PKHD1L1: variants seen among roughly 807,000 people sequenced by gnomAD.
PKHD1L1 encodes the protein PKHD1 like 1.
A neutral mutation model predicts 462.9 loss-of-function variants in PKHD1L1; 434 were observed. That is an observed-to-expected ratio of 0.94 (90% CI 0.87 to 1.02). The LOEUF (loss-of-function observed/expected upper bound fraction) is 1.02. Among genes scored for constraint, PKHD1L1 ranks in the 50% least tolerant of loss-of-function variants. The probability of loss-of-function intolerance (pLI) is 0.00; values close to 1 mark genes in which losing one functional copy is unlikely to be tolerated. For missense variants in PKHD1L1, 5,202 were observed against 5,096.1 expected (o/e 1.02, Z -0.63); for synonymous variants, 1,781 against 1,750.0 (o/e 1.02, Z -0.44).
rs1429158352 is a variant in PKHD1L1 at position 109,498,890 on chromosome 8, G to C, written c.10828+119G>C. 21 of 883,306 alleles carry C rather than the reference G, an allele frequency of 2.4e-5. 1 individual carries two copies. The highest frequency in any genetic ancestry group is 3.1e-5 in the Non-Finnish European group (18 of 585,986). The allele number at this position is 883,306 out of a possible 1,614,324, so 54.7% of individuals were successfully genotyped here. On this transcript the variant is annotated intron_variant, in intron 67 of 77. Transcript: ENST00000378402. The stretch of plus-strand genomic sequence containing the variant: ...TTTAAGTGAATTTTTATAGCAATCT[G>C]CTCAATATGACAAAGAAATCAGACA...
rs368293197 is a variant in PKHD1L1 at position 109,508,013 on chromosome 8, G to A, written c.11228-84G>A. Reference sequence around the variant, plus strand: ...CTTTTATTTTCTACTTCTTAAACTAGCATAACAAGAAATAGATGTTATAAG... The same window carrying A: ...CTTTTATTTTCTACTTCTTAAACTAACATAACAAGAAATAGATGTTATAAG... On this transcript the variant is annotated intron_variant, in intron 69 of 77. Coordinates refer to ENST00000378402, the MANE Select transcript of PKHD1L1 (RefSeq NM_177531.6). 2.9e-4 allele frequency: 426 copies of A among 1,482,414 alleles called. No individual in the cohort carries two copies. In the South Asian group the frequency reaches 5.1e-3, roughly 18 times the overall value. The allele number at this position is 1,482,414 out of a possible 1,614,324, so 91.8% of individuals were successfully genotyped here.
rs190722540 is a variant in PKHD1L1 at position 109,467,850 on chromosome 8, A to G, written c.8605+1081A>G. ...TAAATCTAAATGATGCAGCTTCTTG[A>G]CAGCAATATGGAAAACTGTCATCAT... On this transcript the variant is annotated intron_variant, in intron 50 of 77. Transcript: ENST00000378402. Among the ~76,000 whole-genome samples, 279 of 147,642 alleles carry G rather than the reference A, an allele frequency of 1.9e-3. 1 individual carries two copies. Among genetic ancestry groups the G allele is most frequent in the African/African-American group, 6.5e-3 (268 of 41,234 alleles).
Position 109,385,641 on chromosome 8 carries a change from G to A in PKHD1L1, c.569+11G>A, listed in dbSNP as rs779293447. On this transcript the variant is annotated intron_variant, in intron 6 of 77. Transcript: ENST00000378402. ...TGTTAGGATTTTGAGGTAATCTTTT[G>A]ATGTGGAAATATATTCTTATAACTC... is the stretch of plus-strand genomic sequence containing the variant. The A allele has an allele frequency of 1.7e-5, 25 of 1,501,906 alleles. No individual in the cohort carries two copies. The highest frequency in any genetic ancestry group is 2.3e-5 in the Non-Finnish European group (25 of 1,086,706). The allele number at this position is 1,501,906 out of a possible 1,614,324, so 93.0% of individuals were successfully genotyped here.
At chr8:109,370,899 A>G (rs572022321) in intron 2 of PKHD1L1, among the ~76,000 whole-genome samples, 3,537 of 152,180 alleles carry the variant, frequency 0.023, 131 homozygotes, top group African/African-American at 0.081. Context: ...TTCTTAATCC[A>G]GTCTATCATT....
In PKHD1L1 at chr8:109,389,064, CT is replaced by C. The variant is rs1340041451; in HGVS notation, c.624-7del. ...GTGTCTATATAAGCTTTGACATTAA[CT>C]TTTTTTTAATTAGATATGGTCTAAA... On this transcript the variant is annotated splice_polypyrimidine_tract_variant and intron_variant, in intron 7 of 77. Transcript: ENST00000378402. 33 of 1,555,354 alleles carry C rather than the reference CT, an allele frequency of 2.1e-5. No individual in the cohort carries two copies. Among genetic ancestry groups the C allele is most frequent in the Admixed American group, 5.4e-5 (3 of 55,996 alleles).
Position 109,537,130 on chromosome 8 carries a change from C to G in PKHD1L1, c.*7040C>G, listed in dbSNP as rs2131080264. 6.6e-6 allele frequency among the ~76,000 whole-genome samples: 1 copy of G among 152,232 alleles called. No individual in the cohort carries two copies. Among genetic ancestry groups the G allele is most frequent in the Non-Finnish European group, 1.5e-5 (1 of 68,022 alleles). ...GCGGCAAAGCTTTGTTTTACTTGAT[C>G]AAGAAATGAATGTGACTTTATGATC... On this transcript the variant is annotated 3_prime_UTR_variant, in exon 78 of 78. Transcript: ENST00000378402.
chr8:109,375,847 A>T (rs1378330558), intron 2 of PKHD1L1, among the ~76,000 whole-genome samples: 1 of 152,078 alleles, frequency 6.6e-6, no homozygotes, highest in African/African-American at 2.4e-5. Context: ...CTGCTGCCTG[A>T]TCGTTCCTCT....
At chr8:109,524,798 C>T (rs1387489577) in intron 76 of PKHD1L1, among the ~76,000 whole-genome samples, 1 of 137,556 alleles carries the variant, frequency 7.3e-6, no homozygotes, top group African/African-American at 2.9e-5. Flanking sequence ...CCTTCCTTCC[C>T]TCCCTCCATC....
At chr8:109,442,232 T>G in intron 35 of PKHD1L1, 37 bp downstream of exon 35, 1 of 1,544,756 alleles carries the variant, frequency 6.5e-7, no homozygotes, top group Non-Finnish European at 8.8e-7. Context: ...ATCATGTCAC[T>G]TTTTCCTAAA....
intron 19 of PKHD1L1, 68 bp from the exon 20 acceptor site, chr8:109,412,197 G>C: frequency 6.5e-7 from 1 of 1,548,008 alleles, no homozygotes; most frequent in African/African-American, 1.4e-5. Flanking sequence ...AGTGGTTTGG[G>C]TGCACACGTT....
intron 50 of PKHD1L1, among the ~76,000 whole-genome samples, chr8:109,472,472 C>T (rs79533166): frequency 1.6e-3 from 251 of 152,164 alleles, no homozygotes; most frequent in African/African-American, 5.8e-3. Context: ...TTTCTTGTCA[C>T]GTTTCTCTGC....
At chr8:109,523,765 G>A (rs1820680647) in intron 76 of PKHD1L1, among the ~76,000 whole-genome samples, 1 of 152,204 alleles carries the variant, frequency 6.6e-6, no homozygotes, top group Non-Finnish European at 1.5e-5. Flanking sequence ...GGAGTTCAGA[G>A]TTGGGCTAGA....
intron 35 of PKHD1L1, among the ~76,000 whole-genome samples, chr8:109,442,434 C>T (rs749603119): frequency 4.1e-4 from 62 of 152,088 alleles, no homozygotes; most frequent in Admixed American, 1.1e-3. Context: ...TGATAATCAA[C>T]CAATTGAAAA....
chr8:109,529,407 T>G (rs1227645030), intron 77 of PKHD1L1, among the ~76,000 whole-genome samples: 1 of 152,142 alleles, frequency 6.6e-6, no homozygotes, highest in Non-Finnish European at 1.5e-5. Context: ...TATAATAGGA[T>G]GACAAGCATT....
At chr8:109,523,185 T>C (rs762875668) in intron 75 of PKHD1L1, 48 bp from the exon 76 acceptor site, 2 of 1,489,208 alleles carry the variant, frequency 1.3e-6, no homozygotes, top group Non-Finnish European at 1.8e-6. Flanking sequence ...TTTAAAAGCA[T>C]GGAAACAGGA....
intron 17 of PKHD1L1, among the ~76,000 whole-genome samples, chr8:109,407,689 C>G (rs1383765591): frequency 6.6e-6 from 1 of 152,136 alleles, no homozygotes; most frequent in Non-Finnish European, 1.5e-5. Flanking sequence ...AGCATTTGCA[C>G]TAAAATAATG....
chr8:109,519,490 C>T (rs1301528115), intron 73 of PKHD1L1, among the ~76,000 whole-genome samples: 9 of 152,090 alleles, frequency 5.9e-5, no homozygotes, highest in Non-Finnish European at 4.4e-5. Context: ...TCTTGAGGTA[C>T]TACTGAACTT....
intron 38 of PKHD1L1, among the ~76,000 whole-genome samples, chr8:109,446,136 C>A (rs1049200434): frequency 1.2e-4 from 18 of 152,050 alleles, no homozygotes; most frequent in Non-Finnish European, 1.5e-4. Context: ...TTATAAAATA[C>A]GATTTTCTTA....
intron 73 of PKHD1L1, among the ~76,000 whole-genome samples, chr8:109,519,740 A>T (rs1377032243): frequency 1.3e-5 from 2 of 152,088 alleles, no homozygotes; most frequent in African/African-American, 4.8e-5. Context: ...AGGTCCTCAT[A>T]ATGTGGTCAA....
Sources: allele counts gnomAD v4.1 joint callset (sites outside exome capture counted in the v4.1 genomes callset), GRCh38; gene constraint gnomAD v4.1.1; transcripts MANE v1.5; gene names NCBI Gene and HGNC (gene_info 2026-07-23, HGNC 2026-07-21).